The following ZRANB3 variants were observed in gnomAD, a reference collection of about 807,000 sequenced individuals.
The protein encoded by ZRANB3 is DNA annealing helicase and endonuclease ZRANB3.
A neutral mutation model predicts 133.8 loss-of-function variants in ZRANB3; 125 were observed. That is an observed-to-expected ratio of 0.93 (90% CI 0.81 to 1.08). The LOEUF is 1.08. Ranked by LOEUF, ZRANB3 falls within the 50% of genes least tolerant of loss-of-function variation. The pLI is 0.00. For missense variants in ZRANB3, 1,229 were observed against 1,275.5 expected, an observed-to-expected ratio of 0.96 and a Z score of 0.56; for synonymous variants, 387 against 432.7, an observed-to-expected ratio of 0.89 and a Z score of 1.31.
In ZRANB3 at chr2:135,433,204, T is replaced by C. The variant is rs1162400731; in HGVS notation, c.162-42384A>G. ...ATCAGAGTTCCCAGCCTGGGCAACA[T>C]AGTGAAACTCCGTCTCTACAGAAAA... On this transcript the variant is annotated intron_variant, in intron 2 of 20. Transcript: ENST00000264159. Among the ~76,000 whole-genome samples the C allele has an allele frequency of 2.0e-5, 3 of 151,984 alleles. No homozygotes were observed. The East Asian group carries it at 5.8e-4, about 29-fold the overall frequency.
chr2:135,514,810 C>A (rs561253074), intron 1 of ZRANB3, among the ~76,000 whole-genome samples: 2 of 152,236 alleles, frequency 1.3e-5, no homozygotes, highest in East Asian at 1.9e-4. Flanking sequence ...AGATACATTC[C>A]ATCAATACCT....
intron 3 of ZRANB3, among the ~76,000 whole-genome samples, chr2:135,369,826 C>A (rs191052729): frequency 9.2e-5 from 14 of 152,194 alleles, no homozygotes; most frequent in African/African-American, 3.4e-4. Context: ...CTACTTATTT[C>A]TTTTACAAGA....
At chr2:135,367,525 T>C (rs1260812744) in intron 3 of ZRANB3, among the ~76,000 whole-genome samples, 1 of 151,942 alleles carries the variant, frequency 6.6e-6, no homozygotes, top group African/African-American at 2.4e-5. Context: ...AGTGCGTACA[T>C]GAACAAGAGA....
At chr2:135,252,145 A>G (rs1245037017) in intron 12 of ZRANB3, among the ~76,000 whole-genome samples, 1 of 152,210 alleles carries the variant, frequency 6.6e-6, no homozygotes, top group Non-Finnish European at 1.5e-5. Flanking sequence ...CTAAATAATA[A>G]GAACTTATGA....
intron 2 of ZRANB3, among the ~76,000 whole-genome samples, chr2:135,478,282 A>C (rs1292982483): frequency 1.3e-5 from 2 of 152,188 alleles, no homozygotes; most frequent in Non-Finnish European, 2.9e-5. Flanking sequence ...CACAGAAATT[A>C]TGTAAATCTC....
intron 3 of ZRANB3, among the ~76,000 whole-genome samples, chr2:135,369,652 A>G (rs1686082128): frequency 6.6e-6 from 1 of 152,200 alleles, no homozygotes; most frequent in Admixed American, 6.5e-5. Flanking sequence ...AAGCCGAAAA[A>G]GTGAGACCAC....
chr2:135,286,130 T>A (rs1457635209), intron 8 of ZRANB3, among the ~76,000 whole-genome samples: 1 of 152,204 alleles, frequency 6.6e-6, no homozygotes, highest in Non-Finnish European at 1.5e-5. Flanking sequence ...TACATGGATA[T>A]GTTCTTTAGG....
intron 1 of ZRANB3, among the ~76,000 whole-genome samples, chr2:135,520,413 CTTTTT>C (rs75698016): frequency 7.5e-6 from 1 of 133,880 alleles, no homozygotes. Context: ...AAAAGGATTT[CTTTTT>C]TTTTTTTTTT....
chr2:135,456,318 A>C (rs1039497026), intron 2 of ZRANB3, among the ~76,000 whole-genome samples: 1 of 152,178 alleles, frequency 6.6e-6, no homozygotes, highest in East Asian at 1.9e-4. Flanking sequence ...TTCTCCATCT[A>C]GCTGGCAAGG....
chr2:135,217,216 T>C (rs1573689311), intron 17 of ZRANB3, among the ~76,000 whole-genome samples: 1 of 152,224 alleles, frequency 6.6e-6, no homozygotes, highest in Admixed American at 6.5e-5. Context: ...GTGACTCTGG[T>C]CTTTTTGTTG....
intron 3 of ZRANB3, among the ~76,000 whole-genome samples, chr2:135,354,521 T>C (rs1685343147): frequency 6.6e-6 from 1 of 152,208 alleles, no homozygotes; most frequent in South Asian, 2.1e-4. Context: ...AAACTGGATA[T>C]AACTCAAATG....
chr2:135,480,595 A>T (rs1289829752), intron 2 of ZRANB3, among the ~76,000 whole-genome samples: 2 of 151,928 alleles, frequency 1.3e-5, no homozygotes, highest in East Asian at 3.9e-4. Context: ...AAATACTACA[A>T]AGGTTTTTTT....
At chr2:135,334,789 G>T (rs6430569) in intron 6 of ZRANB3, among the ~76,000 whole-genome samples, 39,760 of 151,748 alleles carry the variant, frequency 0.26, 8,663 homozygotes, top group African/African-American at 0.59. Context: ...CAGCTACTTA[G>T]GAGGCTGAGG....
chr2:135,330,496 A>T (rs547313039), intron 6 of ZRANB3, among the ~76,000 whole-genome samples: 90 of 152,236 alleles, frequency 5.9e-4, no homozygotes, highest in African/African-American at 2.1e-3. Flanking sequence ...TTCATCAGGG[A>T]TATTCATCTA....
intron 3 of ZRANB3, among the ~76,000 whole-genome samples, chr2:135,356,934 T>C (rs1264895002): frequency 6.6e-6 from 1 of 152,156 alleles, no homozygotes; most frequent in East Asian, 1.9e-4. Flanking sequence ...TCCACCTACC[T>C]TAGCCTTCCA....
chr2:135,243,811 G>A (rs1695661783), intron 12 of ZRANB3, among the ~76,000 whole-genome samples: 1 of 151,922 alleles, frequency 6.6e-6, no homozygotes, highest in South Asian at 2.1e-4. Flanking sequence ...TTTAGACAAG[G>A]GTCTCCCTGT....
chr2:135,271,355 A>G (rs1440138589), intron 10 of ZRANB3: 1 of 472,026 alleles, frequency 2.1e-6, no homozygotes, highest in East Asian at 6.9e-5. Context: ...AAGTCCTGAG[A>G]CAAGAGTTCT....
At chr2:135,291,106 C>T (rs1006174908) in intron 8 of ZRANB3, among the ~76,000 whole-genome samples, 2 of 152,060 alleles carry the variant, frequency 1.3e-5, no homozygotes, top group Non-Finnish European at 2.9e-5. Context: ...AGGTGATCCA[C>T]CTGTCTCGGC....
At chr2:135,361,599 A>G (rs1685696599) in intron 3 of ZRANB3, among the ~76,000 whole-genome samples, 1 of 152,190 alleles carries the variant, frequency 6.6e-6, no homozygotes, top group Non-Finnish European at 1.5e-5. Flanking sequence ...TTCCGGTTTT[A>G]ATGTTATAAG....
Sources: gnomAD v4.1 joint callset for allele counts (sites outside exome capture counted in the v4.1 genomes callset) on GRCh38, gnomAD v4.1.1 for gene constraint, MANE v1.5 for transcripts, NCBI Gene and HGNC (gene_info 2026-07-23, HGNC 2026-07-21) for gene names.